The following PTPN4 variants were observed in gnomAD, a reference collection of about 807,000 sequenced individuals.
The protein encoded by PTPN4 is protein tyrosine phosphatase non-receptor type 4, also known as tyrosine-protein phosphatase non-receptor type 4.
PTPN4 carries 49 observed loss-of-function variants against 135.5 expected under a neutral mutation model. The ratio of observed to expected loss-of-function variants is 0.36; its 90% CI spans 0.29 to 0.46. The LOEUF (loss-of-function observed/expected upper bound fraction) is 0.46. Ranked by LOEUF, PTPN4 falls within the 20% of genes least tolerant of loss-of-function variation. The pLI is 1.00. For missense variants in PTPN4, 860 were observed against 1,101.0 expected, an observed-to-expected ratio of 0.78 and a Z score of 3.10; for synonymous variants, 333 against 369.9, an observed-to-expected ratio of 0.90 and a Z score of 1.14.
At chr2:119,772,642 A>G (rs1261746170) in intron 1 of PTPN4, among the ~76,000 whole-genome samples, 1 of 152,192 alleles carries the variant, frequency 6.6e-6, no homozygotes, top group Non-Finnish European at 1.5e-5. Context: ...GGTTCCAGTG[A>G]TTCTCCTGCC....
intron 2 of PTPN4, among the ~76,000 whole-genome samples, chr2:119,842,483 A>C (rs1476955587): frequency 6.6e-6 from 1 of 152,210 alleles, no homozygotes; most frequent in Non-Finnish European, 1.5e-5. Flanking sequence ...TTATTAACTC[A>C]TGGCCAACCG....
chr2:119,776,050 C>T (rs1025340880), intron 1 of PTPN4, among the ~76,000 whole-genome samples: 7 of 152,182 alleles, frequency 4.6e-5, no homozygotes, highest in Admixed American at 2.6e-4. Context: ...GACAGTCTGG[C>T]AGAAGGGTTC....
At chr2:119,850,922 C>T (rs920361452) in intron 2 of PTPN4, among the ~76,000 whole-genome samples, 6 of 152,166 alleles carry the variant, frequency 3.9e-5, no homozygotes, top group Non-Finnish European at 8.8e-5. Context: ...AGATATTGCT[C>T]AGTTCCCTTG....
chr2:119,777,355 C>T (rs1340935307), intron 1 of PTPN4, among the ~76,000 whole-genome samples: 2 of 152,170 alleles, frequency 1.3e-5, no homozygotes, highest in Non-Finnish European at 2.9e-5. Context: ...AATTGCTTTC[C>T]TACTCCTACA....
Position 119,778,393 on chromosome 2 carries a change from C to G in PTPN4, c.-18+18009C>G, listed in dbSNP as rs957884149. On this transcript the variant is annotated intron_variant, in intron 1 of 26. Coordinates refer to ENST00000263708, the MANE Select transcript of PTPN4 (RefSeq NM_002830.4). ...ATAATTTCACTGAATTATTTAGTTT[C>G]CATCCCTAACTAGACTGAGCTTCTT... Among the ~76,000 whole-genome samples the G allele has an allele frequency of 3.3e-5, 5 of 152,272 alleles. No homozygotes were observed. The South Asian group carries it at 1.0e-3, about 32-fold the overall frequency.
intron 18 of PTPN4, among the ~76,000 whole-genome samples, chr2:119,948,145 T>C (rs1288972291): frequency 6.6e-6 from 1 of 152,122 alleles, no homozygotes; most frequent in Non-Finnish European, 1.5e-5. Flanking sequence ...ATTTTATATA[T>C]ATTTGATGGG....
intron 1 of PTPN4, among the ~76,000 whole-genome samples, chr2:119,787,027 T>C (rs914618671): frequency 1.3e-5 from 2 of 152,114 alleles, no homozygotes; most frequent in Non-Finnish European, 2.9e-5. Context: ...TATGGGACAA[T>C]GGTGGGAGAG....
At chr2:119,919,823 C>CAAAAA (rs768606079) in intron 11 of PTPN4, among the ~76,000 whole-genome samples, 1 of 64,750 alleles carries the variant, frequency 1.5e-5, no homozygotes, top group African/African-American at 5.3e-5. Flanking sequence ...GACTGTGTCT[C>CAAAAA]AAAAAAAAAA....
At chr2:119,896,526 T>C (rs753826037) in intron 9 of PTPN4, among the ~76,000 whole-genome samples, 1 of 152,230 alleles carries the variant, frequency 6.6e-6, no homozygotes, top group Non-Finnish European at 1.5e-5. Flanking sequence ...ATGTCTGTTA[T>C]GTTCTTTTTT....
chr2:119,951,004 C>G (rs1679204613), intron 18 of PTPN4, among the ~76,000 whole-genome samples: 1 of 152,090 alleles, frequency 6.6e-6, no homozygotes, highest in Non-Finnish European at 1.5e-5. Context: ...GATTTTGTAT[C>G]CTGTAATTCA....
At chr2:119,898,970 A>G (rs1678364949) in intron 9 of PTPN4, among the ~76,000 whole-genome samples, 1 of 152,026 alleles carries the variant, frequency 6.6e-6, no homozygotes, top group Non-Finnish European at 1.5e-5. Context: ...CAAATACTTG[A>G]TGATTTTTGG....
chr2:119,871,608 GT>G (rs1267943811), intron 3 of PTPN4, among the ~76,000 whole-genome samples: 1 of 151,968 alleles, frequency 6.6e-6, no homozygotes, highest in Non-Finnish European at 1.5e-5. Context: ...ATACTTGCTG[GT>G]ATGTGAACAG....
chr2:119,826,101 A>AAGAT (rs1264039777), intron 2 of PTPN4, among the ~76,000 whole-genome samples: 1 of 152,188 alleles, frequency 6.6e-6, no homozygotes, highest in East Asian at 1.9e-4. Flanking sequence ...ATGAGTACAC[A>AAGAT]AGATAGTTCT....
At chr2:119,951,675 A>G (rs777826928) in intron 18 of PTPN4, among the ~76,000 whole-genome samples, 1 of 152,206 alleles carries the variant, frequency 6.6e-6, no homozygotes, top group Non-Finnish European at 1.5e-5. Context: ...GTTTGTATGT[A>G]TCTAGACAGT....
chr2:119,852,698 A>G (rs138415969), intron 2 of PTPN4, among the ~76,000 whole-genome samples: 14 of 149,224 alleles, frequency 9.4e-5, no homozygotes, highest in African/African-American at 2.7e-4. Context: ...CTCTTTTTCT[A>G]ATTTTCTTTA....
chr2:119,833,443 C>A (rs1677247789), intron 2 of PTPN4, among the ~76,000 whole-genome samples: 1 of 151,766 alleles, frequency 6.6e-6, no homozygotes, highest in Admixed American at 6.6e-5. Context: ...TAGAGCAAAT[C>A]CTTTTGTATC....
At chr2:119,792,719 A>G (rs560410803) in intron 1 of PTPN4, among the ~76,000 whole-genome samples, 10 of 152,252 alleles carry the variant, frequency 6.6e-5, no homozygotes, top group African/African-American at 2.2e-4. Context: ...GTTCTTTTCT[A>G]TTTTCCCTAA....
chr2:119,793,571 A>G (rs969011475), intron 1 of PTPN4, among the ~76,000 whole-genome samples: 4 of 152,180 alleles, frequency 2.6e-5, no homozygotes, highest in Non-Finnish European at 5.9e-5. Context: ...GGAAATTATA[A>G]AAGTATTGAT....
chr2:119,863,257 A>G (rs914142868), intron 3 of PTPN4, among the ~76,000 whole-genome samples: 7 of 152,142 alleles, frequency 4.6e-5, no homozygotes, highest in African/African-American at 1.7e-4. Flanking sequence ...TACTTTGACA[A>G]TTAAGTGTTA....
Sources: allele counts gnomAD v4.1 joint callset (sites outside exome capture counted in the v4.1 genomes callset), GRCh38; gene constraint gnomAD v4.1.1; transcripts MANE v1.5; gene names NCBI Gene and HGNC (gene_info 2026-07-23, HGNC 2026-07-21).